SH3BGR: variants seen among roughly 807,000 people sequenced by gnomAD.
SH3BGR encodes SH3 domain-binding glutamic acid-rich protein.
In SH3BGR, 29 loss-of-function variants were observed where a neutral mutation model predicts 24.5. The observed-to-expected ratio is 1.18, with a 90% CI of 0.88 to 1.61. The LOEUF (loss-of-function observed/expected upper bound fraction) is 1.61. SH3BGR is among the 40% of genes most tolerant of loss of function. SH3BGR has a pLI of 0.00. For synonymous variants in SH3BGR, 55 were observed against 65.7 expected (o/e 0.84, Z 0.79); for missense variants, 162 against 205.8 (o/e 0.79, Z 1.30).
At chr21:39,496,469 C>T (rs995983126) in intron 3 of SH3BGR, among the ~76,000 whole-genome samples, 7 of 145,878 alleles carry the variant, frequency 4.8e-5, no homozygotes, top group Admixed American at 7.1e-5. Flanking sequence ...CACCGCAGTC[C>T]GCAGTCCGGC....
At chr21:39,455,446 G>A (rs994555216) in intron 1 of SH3BGR, among the ~76,000 whole-genome samples, 5 of 152,236 alleles carry the variant, frequency 3.3e-5, no homozygotes, top group African/African-American at 1.2e-4. Context: ...GAGTAGGAGT[G>A]TGTCCATGAT....
At chr21:39,482,607 A>G (rs2078147552) in intron 3 of SH3BGR, among the ~76,000 whole-genome samples, 1 of 152,218 alleles carries the variant, frequency 6.6e-6, no homozygotes, top group Admixed American at 6.5e-5. Flanking sequence ...CAAGTGTTCA[A>G]TCTATGTAGT....
At chr21:39,500,276 G>C (rs1460447854) in intron 4 of SH3BGR, among the ~76,000 whole-genome samples, 1 of 152,078 alleles carries the variant, frequency 6.6e-6, no homozygotes, top group African/African-American at 2.4e-5. Flanking sequence ...ACCCACCCAG[G>C]AGCCCTGCCC....
At chr21:39,452,351 G>A (rs1340078135) in intron 1 of SH3BGR, among the ~76,000 whole-genome samples, 1 of 152,150 alleles carries the variant, frequency 6.6e-6, no homozygotes, top group Admixed American at 6.5e-5. Flanking sequence ...GTGTGAAAAG[G>A]GATTCGAGTA....
At chr21:39,453,701 C>T (rs2077610822) in intron 1 of SH3BGR, among the ~76,000 whole-genome samples, 1 of 152,136 alleles carries the variant, frequency 6.6e-6, no homozygotes, top group South Asian at 2.1e-4. Flanking sequence ...TGTTTCAGTG[C>T]CACTTGTAAC....
At chr21:39,473,950 C>T (rs1362576810) in intron 2 of SH3BGR, among the ~76,000 whole-genome samples, 1 of 151,720 alleles carries the variant, frequency 6.6e-6, no homozygotes, top group Non-Finnish European at 1.5e-5. Context: ...CAGCTGTGAC[C>T]TGTATTTGGT....
At position 39,462,485 on chromosome 21, in the gene SH3BGR, T is replaced by C. The variant is rs1252242147; in HGVS notation, c.156T>C (p.Asn52=). 5.6e-6 allele frequency: 9 copies of C among 1,611,258 alleles called. No individual in the cohort carries two copies. The highest frequency in any genetic ancestry group is 7.6e-6 in the Non-Finnish European group (9 of 1,179,428). ...DEDNRRWMRE[N]VPGEKKPQNG... ...ACAACAGGAGGTGGATGAGAGAGAA[T>C]GTTCCTGGAGAGAAAAAACCTCAAA... The change falls in exon 2 of 7, where the codon AAT becomes AAC. Residue 52 remains asparagine (N), a synonymous_variant. Transcript: ENST00000333634.
Position 39,498,576 on chromosome 21 carries a change from A to T in SH3BGR, c.313-1247A>T, listed in dbSNP as rs2078436576. Among the ~76,000 whole-genome samples, 2 of 152,188 alleles carry T rather than the reference A, an allele frequency of 1.3e-5. 1 individual carries two copies. The highest frequency in any genetic ancestry group is 4.1e-4 in the South Asian group (2 of 4,828). On this transcript the variant is annotated intron_variant, in intron 3 of 6. Transcript: ENST00000333634. ...AATGCAAGCTATTATCCTTAAGAAAATTCTCAAACACTCTCACTTTACATA... is the reference window on the plus strand; with the variant it reads ...AATGCAAGCTATTATCCTTAAGAAATTTCTCAAACACTCTCACTTTACATA...
chr21:39,510,908 ACT>A (rs1491126270), intron 5 of SH3BGR, among the ~76,000 whole-genome samples: 1 of 20,284 alleles, frequency 4.9e-5, no homozygotes, highest in African/African-American at 1.9e-4. Context: ...GATTCTTCTA[ACT>A]ATATATATAT....
chr21:39,483,709 G>A (rs555329226), intron 3 of SH3BGR, among the ~76,000 whole-genome samples: 66 of 152,258 alleles, frequency 4.3e-4, no homozygotes, highest in Middle Eastern at 6.8e-3. Context: ...ATTTATTTGC[G>A]TACATGCTGG....
At chr21:39,455,342 G>C (rs529281196) in intron 1 of SH3BGR, among the ~76,000 whole-genome samples, 1 of 152,364 alleles carries the variant, frequency 6.6e-6, no homozygotes, top group South Asian at 2.1e-4. Context: ...AGATCCTGTA[G>C]AGCCACTACT....
chr21:39,460,516 C>G (rs1175719881), intron 1 of SH3BGR, among the ~76,000 whole-genome samples: 2 of 152,060 alleles, frequency 1.3e-5, no homozygotes, highest in East Asian at 3.9e-4. Context: ...GAGTCTCACT[C>G]TGTCGCCCAG....
intron 3 of SH3BGR, among the ~76,000 whole-genome samples, chr21:39,491,351 C>T (rs1478295878): frequency 6.6e-6 from 1 of 151,708 alleles, no homozygotes; most frequent in Non-Finnish European, 1.5e-5. Flanking sequence ...GGTTTCACCA[C>T]GTTGGCCAGA....
At position 39,451,995 on chromosome 21, in the gene SH3BGR, C is replaced by T. The variant is rs760818841; in HGVS notation, c.-102C>T. 56 of 1,614,172 alleles carry T rather than the reference C, an allele frequency of 3.5e-5. 1 individual carries two copies. In the Middle Eastern group the frequency reaches 6.6e-4, roughly 19 times the overall value. On this transcript the variant is annotated 5_prime_UTR_variant, in exon 1 of 7. Coordinates refer to ENST00000333634, the MANE Select transcript of SH3BGR (RefSeq NM_007341.3). ...AGTGGACCCCTGGGCTGCTGCCAGCCCCGACCTGGCACTTGCTTGCCTGTG... is the reference window on the plus strand; with the variant it reads ...AGTGGACCCCTGGGCTGCTGCCAGCTCCGACCTGGCACTTGCTTGCCTGTG...
At chr21:39,484,760 T>C (rs2078182898) in intron 3 of SH3BGR, among the ~76,000 whole-genome samples, 1 of 152,210 alleles carries the variant, frequency 6.6e-6, no homozygotes, top group Non-Finnish European at 1.5e-5. Context: ...CAGTTCGTGC[T>C]AGAGCCTTTG....
chr21:39,455,591 A>G (rs1239634294), intron 1 of SH3BGR, among the ~76,000 whole-genome samples: 1 of 152,204 alleles, frequency 6.6e-6, no homozygotes, highest in Non-Finnish European at 1.5e-5. Context: ...GGCCCACAGG[A>G]GCTCCTTGAT....
intron 1 of SH3BGR, among the ~76,000 whole-genome samples, chr21:39,456,442 G>A (rs2148449730): frequency 6.6e-6 from 1 of 152,348 alleles, no homozygotes; most frequent in Non-Finnish European, 1.5e-5. Context: ...TGTAGAGAAT[G>A]CGATTAATTA....
intron 1 of SH3BGR, among the ~76,000 whole-genome samples, chr21:39,452,364 G>T (rs185705274): frequency 2.0e-5 from 3 of 152,308 alleles, no homozygotes; most frequent in Admixed American, 6.5e-5. Flanking sequence ...TTCGAGTAAG[G>T]AGGCGTGCTT....
At chr21:39,468,939 G>A (rs1049135844) in intron 2 of SH3BGR, among the ~76,000 whole-genome samples, 3 of 151,710 alleles carry the variant, frequency 2.0e-5, no homozygotes, top group African/African-American at 4.8e-5. Flanking sequence ...TTAATGAATG[G>A]ACTGTTTAGG....
Sources: allele counts gnomAD v4.1 joint callset (sites outside exome capture counted in the v4.1 genomes callset), GRCh38; gene constraint gnomAD v4.1.1; transcripts MANE v1.5; gene names NCBI Gene and HGNC (gene_info 2026-07-23, HGNC 2026-07-21).